ESRRB: variants seen among roughly 807,000 people sequenced by gnomAD.
ESRRB encodes the protein steroid hormone receptor ERR2.
Under a neutral mutation model 46.0 loss-of-function variants are expected in ESRRB, and 16 were observed. The ratio of observed to expected loss-of-function variants is 0.35; its 90% confidence interval spans 0.24 to 0.53. The LOEUF is 0.53. ESRRB is among the 20% of genes least tolerant of loss of function. The pLI, the probability that ESRRB is intolerant of heterozygous loss-of-function variation, is 0.93. For synonymous variants in ESRRB, 246 were observed against 259.6 expected, an observed-to-expected ratio of 0.95 and a Z score of 0.50; for missense variants, 488 against 607.4, an observed-to-expected ratio of 0.80 and a Z score of 2.07.
intron 5 of ESRRB, among the ~76,000 whole-genome samples, chr14:76,486,513 T>A (rs1270352431): frequency 6.6e-6 from 1 of 152,084 alleles, no homozygotes; most frequent in Admixed American, 6.5e-5. Context: ...ACAGAAACGA[T>A]CATAAATTAA....
chr14:76,416,605 G>A (rs1470174229), intron 1 of ESRRB, among the ~76,000 whole-genome samples: 4 of 152,096 alleles, frequency 2.6e-5, no homozygotes, highest in South Asian at 4.2e-4. Flanking sequence ...GAGTAGCTAG[G>A]ATTACAGATA....
At chr14:76,372,757 A>G (rs1884654910), upstream of ESRRB, among the ~76,000 whole-genome samples, 1 of 152,234 alleles carries the variant, frequency 6.6e-6, no homozygotes, top group Admixed American at 6.5e-5. Context: ...GCTTGAGCCC[A>G]GGAAACAGAG....
chr14:76,375,631 C>A (rs1412911241), upstream of ESRRB, among the ~76,000 whole-genome samples: 7 of 151,984 alleles, frequency 4.6e-5, no homozygotes, highest in African/African-American at 1.7e-4. Flanking sequence ...TCTCTCCTGC[C>A]TTCTTGCTGT....
chr14:76,416,805 C>T (rs991362340), intron 1 of ESRRB, among the ~76,000 whole-genome samples: 5 of 152,108 alleles, frequency 3.3e-5, no homozygotes, highest in South Asian at 2.1e-4. Flanking sequence ...ATATATTTAC[C>T]GAGCACCTAC....
chr14:76,352,442 C>T (rs1244949676), intron 1 of ESRRB, among the ~76,000 whole-genome samples: 1 of 152,192 alleles, frequency 6.6e-6, no homozygotes, highest in Admixed American at 6.5e-5. Context: ...AAGGGTTGAG[C>T]TACCTTAACC....
intron 1 of ESRRB, among the ~76,000 whole-genome samples, chr14:76,361,322 G>A (rs996703861): frequency 1.3e-5 from 2 of 152,162 alleles, no homozygotes; most frequent in East Asian, 3.9e-4. Flanking sequence ...ATGTAAAGGG[G>A]ACCCCAAGGT....
chr14:76,500,565 G>A lies in ESRRB; in HGVS notation c.*2107G>A. On this transcript the variant is annotated 3_prime_UTR_variant, in exon 7 of 7. Coordinates refer to ENST00000644823, the MANE Select transcript of ESRRB (RefSeq NM_001379180.1). The stretch of plus-strand genomic sequence containing the variant: ...GGGTGTGTGCTTTGGGACTCCCTCA[G>A]TCTCTCACTGTGCTGTGTCCTTGCA... 3 of 889,128 alleles carry A rather than the reference G, an allele frequency of 3.4e-6. No individual in the cohort carries two copies. Among genetic ancestry groups the A allele is most frequent in the Non-Finnish European group, 5.6e-6 (3 of 533,088 alleles). The allele number at this position is 889,128 out of a possible 1,614,324, so 55.1% of individuals were successfully genotyped here. A position where few individuals can be genotyped will look rare whatever the true frequency, so the allele number is the denominator to read the frequency against.
intron 2 of ESRRB, among the ~76,000 whole-genome samples, chr14:76,441,347 T>G (rs1887914944): frequency 6.6e-6 from 1 of 152,228 alleles, no homozygotes; most frequent in Non-Finnish European, 1.5e-5. Context: ...TGGGTCGCTC[T>G]GTAAAGTCAC....
intron 1 of ESRRB, among the ~76,000 whole-genome samples, chr14:76,382,117 T>C (rs1329193483): frequency 6.6e-6 from 1 of 152,228 alleles, no homozygotes; most frequent in Non-Finnish European, 1.5e-5. Context: ...AAAAGCCGTG[T>C]CCACCCCAAG....
chr14:76,387,709 C>T (rs547238544), intron 1 of ESRRB, among the ~76,000 whole-genome samples: 4 of 152,268 alleles, frequency 2.6e-5, no homozygotes, highest in South Asian at 4.2e-4. Context: ...ATGCAGAAGC[C>T]GTGCAGCCAG....
chr14:76,314,659 C>T (rs534638901), intron 1 of ESRRB, among the ~76,000 whole-genome samples: 2 of 152,218 alleles, frequency 1.3e-5, no homozygotes, highest in South Asian at 2.1e-4. Context: ...CCTCAAAGTC[C>T]GCCTGGCTCA....
intron 1 of ESRRB, among the ~76,000 whole-genome samples, chr14:76,359,794 G>A (rs1884441392): frequency 6.6e-6 from 1 of 152,138 alleles, no homozygotes; most frequent in Non-Finnish European, 1.5e-5. Flanking sequence ...TGAGAAGGGA[G>A]GAAGAGGAAA....
In ESRRB at chr14:76,432,699, G is replaced by C. The variant is rs527348353; in HGVS notation, c.51-6642G>C. On this transcript the variant is annotated intron_variant, in intron 1 of 6. Transcript: ENST00000644823. ...TTTTTTTTTTTTTTTTTTCTGAGACGGTGTCTCGCCCTGTCACCCAGGCTG... is the reference window on the plus strand; with the variant it reads ...TTTTTTTTTTTTTTTTTTCTGAGACCGTGTCTCGCCCTGTCACCCAGGCTG... Among the ~76,000 whole-genome samples, 5 of 114,056 alleles carry C rather than the reference G, an allele frequency of 4.4e-5. 1 individual carries two copies. The East Asian group carries it at 1.7e-3, about 38-fold the overall frequency. 74.8% of individuals were successfully genotyped at this position (114,056 alleles called of 152,430 possible).
chr14:76,438,196 C>T (rs1595117709), intron 1 of ESRRB, among the ~76,000 whole-genome samples: 1 of 152,236 alleles, frequency 6.6e-6, no homozygotes, highest in East Asian at 1.9e-4. Context: ...TGGCAAAACC[C>T]AAAGGGCAGC....
intron 1 of ESRRB, among the ~76,000 whole-genome samples, chr14:76,401,975 G>A (rs561325449): frequency 7.9e-5 from 12 of 152,324 alleles, no homozygotes; most frequent in Admixed American, 3.9e-4. Context: ...TAGTCCAAAG[G>A]CAGGCAGACT....
chr14:76,421,511 GTC>G (rs1886953296), intron 1 of ESRRB, among the ~76,000 whole-genome samples: 1 of 152,218 alleles, frequency 6.6e-6, no homozygotes. Context: ...CAGCATTTGT[GTC>G]TCTTTTTCTT....
At chr14:76,468,691 C>G (rs1889233127) in intron 3 of ESRRB, among the ~76,000 whole-genome samples, 2 of 152,126 alleles carry the variant, frequency 1.3e-5, no homozygotes, top group Non-Finnish European at 2.9e-5. Context: ...TCCCTTTCCT[C>G]CTCCATAAAA....
At chr14:76,406,373 T>C (rs1886185072) in intron 1 of ESRRB, among the ~76,000 whole-genome samples, 1 of 152,104 alleles carries the variant, frequency 6.6e-6, no homozygotes, top group African/African-American at 2.4e-5. Context: ...CCTGGGGAGC[T>C]CTTCCCCTAA....
intron 1 of ESRRB, among the ~76,000 whole-genome samples, chr14:76,408,194 A>G (rs556131525): frequency 6.6e-6 from 1 of 152,306 alleles, no homozygotes; most frequent in African/African-American, 2.4e-5. Flanking sequence ...ATTCATGCTT[A>G]TGTTCATTCT....
Sources: allele counts gnomAD v4.1 joint callset (sites outside exome capture counted in the v4.1 genomes callset), GRCh38; gene constraint gnomAD v4.1.1; transcripts MANE v1.5; gene names NCBI Gene and HGNC (gene_info 2026-07-23, HGNC 2026-07-21).